The following IFT88 variants were observed in gnomAD, a reference collection of about 807,000 sequenced individuals.
IFT88 encodes intraflagellar transport 88, also known as intraflagellar transport protein 88 homolog.
In IFT88, 74 loss-of-function variants were observed where a neutral mutation model predicts 119.5. That is an observed-to-expected ratio of 0.62 (90% CI 0.51 to 0.75). The LOEUF is 0.75. Ranked by LOEUF, IFT88 falls within the 30% of genes least tolerant of loss-of-function variation. The pLI, the probability that IFT88 is intolerant of heterozygous loss-of-function variation, is 0.00. For synonymous variants in IFT88, 279 were observed against 316.7 expected, an observed-to-expected ratio of 0.88 and a Z score of 1.26; for missense variants, 961 against 977.7, an observed-to-expected ratio of 0.98 and a Z score of 0.23.
At position 20,582,402 on chromosome 13, in the gene IFT88, C is replaced by T. The variant is rs184997195; in HGVS notation, c.91-555C>T. Reference sequence around the variant, plus strand: ...GCAGTGCAGGTTGGACTTGTTGAGCCCCCCCATTTGCTTAGATTAGCTCCA... The same window carrying T: ...GCAGTGCAGGTTGGACTTGTTGAGCTCCCCCATTTGCTTAGATTAGCTCCA... On this transcript the variant is annotated intron_variant, in intron 2 of 25. Transcript: ENST00000351808. Among the ~76,000 whole-genome samples, 226 of 152,140 alleles carry T rather than the reference C, an allele frequency of 1.5e-3. 6 individuals carry two copies. Among genetic ancestry groups the T allele is most frequent in the Admixed American group, 0.015 (224 of 15,278 alleles).
intron 24 of IFT88, among the ~76,000 whole-genome samples, chr13:20,674,875 G>A (rs1045329623): frequency 1.1e-4 from 16 of 150,918 alleles, no homozygotes; most frequent in Middle Eastern, 3.2e-3. Context: ...CACCACGCCC[G>A]GCTAATTTTG....
At chr13:20,609,217 G>A (rs747665120) in intron 13 of IFT88, among the ~76,000 whole-genome samples, 1 of 152,148 alleles carries the variant, frequency 6.6e-6, no homozygotes, top group South Asian at 2.1e-4. Flanking sequence ...ACACATTTGG[G>A]TATTTAGTAG....
chr13:20,601,618 C>T lies in IFT88; in HGVS notation c.813-87C>T, dbSNP rs190887297. On this transcript the variant is annotated intron_variant, in intron 11 of 25. Coordinates refer to ENST00000351808, the MANE Select transcript of IFT88 (RefSeq NM_006531.5). ...AACAAAAACGAAGTAAAGTGGGAGA[C>T]GAAAAAAGAAAACTATTTGTGAATG... The T allele has an allele frequency of 1.4e-3, 1,109 of 816,796 alleles. 14 individuals are homozygous for T. The South Asian group carries it at 0.018, about 14-fold the overall frequency. The allele number at this position is 816,796 out of a possible 1,614,324, so 50.6% of individuals were successfully genotyped here.
In IFT88 at chr13:20,593,896, A is replaced by T. The variant is rs551344178; in HGVS notation, c.398+1492A>T. Among the ~76,000 whole-genome samples, 103 of 151,950 alleles carry T rather than the reference A, an allele frequency of 6.8e-4. 2 individuals carry two copies. The South Asian group carries it at 0.021, about 31-fold the overall frequency. ...GAGACCCCGTCTCTACAAAAAAATT[A>T]AAAAATTAGCTGGGTATGGTGGCAC... On this transcript the variant is annotated intron_variant, in intron 7 of 25. Coordinates refer to ENST00000351808, the MANE Select transcript of IFT88 (RefSeq NM_006531.5).
intron 24 of IFT88, among the ~76,000 whole-genome samples, chr13:20,671,484 A>G (rs756918577): frequency 2.3e-4 from 35 of 152,238 alleles, no homozygotes; most frequent in Non-Finnish European, 4.8e-4. Flanking sequence ...TAGGAGACAT[A>G]GTGTGAGTCC....
intron 22 of IFT88, among the ~76,000 whole-genome samples, chr13:20,661,064 A>G (rs1188690319): frequency 6.6e-6 from 1 of 152,224 alleles, no homozygotes; most frequent in Non-Finnish European, 1.5e-5. Flanking sequence ...TGCTGGGGAT[A>G]CAACAGATAT....
At chr13:20,666,918 C>A (rs1163315644) in intron 23 of IFT88, among the ~76,000 whole-genome samples, 1 of 152,132 alleles carries the variant, frequency 6.6e-6, no homozygotes, top group African/African-American at 2.4e-5. Context: ...CATATATCAA[C>A]ACATATATTT....
intron 14 of IFT88, among the ~76,000 whole-genome samples, chr13:20,617,993 C>T (rs548546813): frequency 6.6e-6 from 1 of 152,272 alleles, no homozygotes; most frequent in African/African-American, 2.4e-5. Context: ...GCCGTGTTGG[C>T]TGGGCTGGTC....
At chr13:20,642,648 A>T (rs1337856713) in intron 18 of IFT88, 1 of 152,162 alleles carries the variant, frequency 6.6e-6, no homozygotes, top group East Asian at 1.9e-4. Context: ...TACTCCTGTT[A>T]GTCTTTTTGT....
intron 2 of IFT88, 54 bp downstream of exon 2, chr13:20,574,529 G>C: frequency 1.1e-6 from 1 of 919,134 alleles, no homozygotes; most frequent in Non-Finnish European, 1.7e-6. Flanking sequence ...GCTGGTTTAT[G>C]AAGACTGTGG....
At chr13:20,624,032 C>T (rs1303278156) in intron 14 of IFT88, among the ~76,000 whole-genome samples, 1 of 152,142 alleles carries the variant, frequency 6.6e-6, no homozygotes, top group Admixed American at 6.5e-5. Context: ...TTCTTATTAT[C>T]TTTTCCTTTT....
At chr13:20,670,198 GTTTAA>G (rs1293101740) in intron 23 of IFT88, among the ~76,000 whole-genome samples, 2 of 152,126 alleles carry the variant, frequency 1.3e-5, no homozygotes, top group Non-Finnish European at 2.9e-5. Context: ...ATGTTAAGAA[GTTTAA>G]TTCAATTATA....
intron 18 of IFT88, 34 bp from the exon 19 acceptor site, chr13:20,643,421 G>A: frequency 6.5e-7 from 1 of 1,542,520 alleles, no homozygotes; most frequent in Non-Finnish European, 8.8e-7. Context: ...AATGAATTTA[G>A]AAAACATGTT....
At chr13:20,647,666 A>G (rs2050953999) in intron 20 of IFT88, among the ~76,000 whole-genome samples, 1 of 152,108 alleles carries the variant, frequency 6.6e-6, no homozygotes, top group African/African-American at 2.4e-5. Context: ...GCATTAGGTA[A>G]TGTTCTTTAA....
At chr13:20,645,240 C>T (rs150597755) in intron 20 of IFT88, among the ~76,000 whole-genome samples, 1,848 of 152,176 alleles carry the variant, frequency 0.012, 37 homozygotes, top group African/African-American at 0.043. Flanking sequence ...CAGTCACGCA[C>T]CACCATGCCT....
chr13:20,580,143 T>A (rs1364158896), intron 2 of IFT88, among the ~76,000 whole-genome samples: 1 of 152,212 alleles, frequency 6.6e-6, no homozygotes, highest in Non-Finnish European at 1.5e-5. Context: ...TTCAACTACA[T>A]CATAAGCAGT....
chr13:20,620,312 C>T (rs377330240), intron 14 of IFT88, among the ~76,000 whole-genome samples: 7 of 152,238 alleles, frequency 4.6e-5, no homozygotes, highest in East Asian at 3.9e-4. Context: ...TCACCTTTGA[C>T]ATATACCAAG....
chr13:20,580,458 A>C (rs1348678524), intron 2 of IFT88, among the ~76,000 whole-genome samples: 1 of 152,140 alleles, frequency 6.6e-6, no homozygotes, highest in Non-Finnish European at 1.5e-5. Context: ...TGGAGGTGGC[A>C]GTGAGCCAAG....
Position 20,691,247 on chromosome 13 carries a change from A to C in IFT88, c.*72A>C. The C allele has an allele frequency of 7.4e-7, 1 of 1,360,516 alleles. No homozygotes were observed. Among genetic ancestry groups the C allele is most frequent in the South Asian group, 1.4e-5 (1 of 70,724 alleles). The allele number at this position is 1,360,516 out of a possible 1,614,324, so 84.3% of individuals were successfully genotyped here. A position where few individuals can be genotyped will look rare whatever the true frequency, so the allele number is the denominator to read the frequency against. ...CATCCTCATGTTAAACCTTGGATTAAATATCTAACCTGTAATTATTTTTTT... is the reference window on the plus strand; with the variant it reads ...CATCCTCATGTTAAACCTTGGATTACATATCTAACCTGTAATTATTTTTTT... On this transcript the variant is annotated 3_prime_UTR_variant, in exon 26 of 26. Transcript: ENST00000351808.
Sources: gnomAD v4.1 joint callset for allele counts (sites outside exome capture counted in the v4.1 genomes callset) on GRCh38, gnomAD v4.1.1 for gene constraint, MANE v1.5 for transcripts, NCBI Gene and HGNC (gene_info 2026-07-23, HGNC 2026-07-21) for gene names.